Variants in PCLO observed in about 807,000 individuals in gnomAD.
The protein encoded by PCLO is piccolo presynaptic cytomatrix protein.
PCLO carries 82 observed loss-of-function variants against 427.5 expected under a neutral mutation model. The ratio of observed to expected loss-of-function variants is 0.19; its 90% CI spans 0.16 to 0.23. The LOEUF is 0.23. PCLO is among the 10% of genes least tolerant of loss of function. PCLO has a pLI of 1.00. For missense variants in PCLO, 6,239 were observed against 6,115.9 expected (o/e 1.02, Z -0.67); for synonymous variants, 2,357 against 2,155.4 (o/e 1.09, Z -2.59).
Position 82,824,355 on chromosome 7 carries a change from T to C in PCLO, c.14477A>G (p.Lys4826Arg). The C allele has an allele frequency of 6.2e-7, 1 of 1,613,158 alleles. No individual in the cohort carries two copies. Among genetic ancestry groups the C allele is most frequent in the Admixed American group, 1.7e-5 (1 of 59,966 alleles). ...LDNTPRWYPLKEQTESIDHGK... is the reference protein window; with the variant it reads ...LDNTPRWYPLREQTESIDHGK... ...ATGATCAATGCTTTCAGTCTGTTCT[T>C]TGAGAGGATACCACCTTGGAGTGTT... Residue 4826 changes from lysine (K) to arginine (R), a missense_variant, in exon 19 of 25, where the codon AAA becomes AGA. By Grantham distance (26) the Lys-to-Arg change is conservative. This residue lies in a region of PCLO where 877 missense variants were observed against 925.5 expected (regional missense o/e 0.95). Coordinates refer to ENST00000333891, the MANE Select transcript of PCLO (RefSeq NM_033026.6).
rs1188802613 is a variant in PCLO at position 82,977,379 on chromosome 7, T to TA, written c.3301-10893_3301-10892insT. 8.5e-5 allele frequency among the ~76,000 whole-genome samples: 10 copies of TA among 117,180 alleles called. No individual in the cohort carries two copies. The East Asian group carries it at 9.8e-4, about 11-fold the overall frequency. The allele number at this position is 117,180 out of a possible 152,430, so 76.9% of individuals were successfully genotyped here. A position where few individuals can be genotyped will look rare whatever the true frequency, so the allele number is the denominator to read the frequency against. On this transcript the variant is annotated intron_variant, in intron 3 of 24. Transcript: ENST00000333891. Reference sequence around the variant, plus strand: ...AACTGCCTGAGTGCAAAATTCATCTTTTTTATTTATTTATTTATTTATTTA... The same window carrying TA: ...AACTGCCTGAGTGCAAAATTCATCTTATTTTATTTATTTATTTATTTATTTA...
chr7:83,130,916 A>G (rs372765773), intron 3 of PCLO, among the ~76,000 whole-genome samples: 4 of 152,356 alleles, frequency 2.6e-5, no homozygotes, highest in East Asian at 1.9e-4. Flanking sequence ...TTCCTGAAAC[A>G]TGAGGAAACA....
chr7:82,776,241 G>T (rs1374149276), intron 22 of PCLO, among the ~76,000 whole-genome samples: 2 of 152,146 alleles, frequency 1.3e-5, no homozygotes, highest in Non-Finnish European at 2.9e-5. Context: ...GGGCATCCTT[G>T]TTGAGCTAAG....
intron 3 of PCLO, among the ~76,000 whole-genome samples, chr7:83,076,643 G>GTTTTT (rs200052422): frequency 1.5e-5 from 2 of 133,976 alleles, no homozygotes; most frequent in Non-Finnish European, 3.2e-5. Context: ...TTTTTTTGCA[G>GTTTTT]TTTTTTTTTA....
At chr7:82,872,302 C>T (rs180959544) in intron 10 of PCLO, among the ~76,000 whole-genome samples, 2 of 151,864 alleles carry the variant, frequency 1.3e-5, no homozygotes, top group East Asian at 1.9e-4. Flanking sequence ...GGCAAAAAGA[C>T]GAGTCAAATC....
chr7:83,100,586 T>C (rs147078255), intron 3 of PCLO, among the ~76,000 whole-genome samples: 3,333 of 152,230 alleles, frequency 0.022, 68 homozygotes, highest in Non-Finnish European at 0.029. Context: ...TTCTCACTTA[T>C]AAGTGGGAGC....
intron 7 of PCLO, among the ~76,000 whole-genome samples, chr7:82,909,952 A>T (rs1794282503): frequency 6.6e-6 from 1 of 152,114 alleles, no homozygotes; most frequent in Non-Finnish European, 1.5e-5. Context: ...ATTAAATTTC[A>T]TTCATTAGTA....
chr7:82,761,740 A>G (rs1449596920), intron 22 of PCLO, among the ~76,000 whole-genome samples: 2 of 150,510 alleles, frequency 1.3e-5, no homozygotes, highest in African/African-American at 2.5e-5. Context: ...GATATGAATA[A>G]AATACAGTCC....
intron 20 of PCLO, chr7:82,820,433 T>A: frequency 1.1e-6 from 1 of 944,514 alleles, no homozygotes. Flanking sequence ...ACTGACACAT[T>A]CATTTTAAGC....
At chr7:82,879,185 T>A (rs1483514212) in intron 10 of PCLO, among the ~76,000 whole-genome samples, 152 bp downstream of exon 10, 1 of 152,200 alleles carries the variant, frequency 6.6e-6, no homozygotes, top group Non-Finnish European at 1.5e-5. Flanking sequence ...GGACATGTTT[T>A]CTTTCATATT....
intron 2 of PCLO, among the ~76,000 whole-genome samples, chr7:83,152,461 G>A (rs1792163529): frequency 6.6e-6 from 1 of 152,082 alleles, no homozygotes. Context: ...ATTAATTGAG[G>A]TAACTTTCAA....
Position 82,866,655 on chromosome 7 carries a change from TACACACACAC to T in PCLO, c.13654+12672_13654+12681del, listed in dbSNP as rs71096605. ...CTTCACTACTCTCAATGAAATTTTA[TACACACACAC>T]ACACACACACACACACACACACACA... On this transcript the variant is annotated intron_variant, in intron 10 of 24. Coordinates refer to ENST00000333891, the MANE Select transcript of PCLO (RefSeq NM_033026.6). Among the ~76,000 whole-genome samples the T allele has an allele frequency of 5.7e-4, 82 of 143,184 alleles. 1 individual carries two copies. The highest frequency in any genetic ancestry group is 1.2e-3 in the African/African-American group (48 of 39,048). The allele number at this position is 143,184 out of a possible 152,430, so 93.9% of individuals were successfully genotyped here.
intron 3 of PCLO, among the ~76,000 whole-genome samples, chr7:83,053,512 G>A (rs1351366225): frequency 1.3e-5 from 2 of 151,824 alleles, no homozygotes; most frequent in African/African-American, 4.8e-5. Flanking sequence ...GGAGTATGGA[G>A]GAAAAGATGG....
At chr7:82,838,104 A>G in intron 15 of PCLO, 114 bp downstream of exon 15, 1 of 729,830 alleles carries the variant, frequency 1.4e-6, no homozygotes, top group Non-Finnish European at 2.2e-6. Flanking sequence ...CATGTGGAGG[A>G]AAGTAAGGAA....
In PCLO at chr7:82,914,615, G is replaced by T. The variant is rs771287559; in HGVS notation, c.13300+71C>A. 10 of 1,443,624 alleles carry T rather than the reference G, an allele frequency of 6.9e-6. No individual in the cohort carries two copies. The Admixed American group carries it at 1.9e-4, about 27-fold the overall frequency. 89.4% of individuals were successfully genotyped at this position (1,443,624 alleles called of 1,614,324 possible). A position where few individuals can be genotyped will look rare whatever the true frequency, so the allele number is the denominator to read the frequency against. The stretch of plus-strand genomic sequence containing the variant: ...AAAGTAGGATACATCTCTGGAGAAG[G>T]GAAATTAAACATGCAGAAAAATAAG... On this transcript the variant is annotated intron_variant, in intron 7 of 24. Coordinates refer to ENST00000333891, the MANE Select transcript of PCLO (RefSeq NM_033026.6).
chr7:82,929,672 A>G (rs1253204225), intron 6 of PCLO, among the ~76,000 whole-genome samples: 1 of 152,150 alleles, frequency 6.6e-6, no homozygotes, highest in Non-Finnish European at 1.5e-5. Context: ...TGATACACTC[A>G]TATATTTCTC....
chr7:83,086,117 C>CT (rs71074614), intron 3 of PCLO, among the ~76,000 whole-genome samples: 79 of 148,720 alleles, frequency 5.3e-4, no homozygotes, highest in South Asian at 1.1e-3. Flanking sequence ...CTTTTTTTTT[C>CT]TTTTTTTTTT....
intron 3 of PCLO, among the ~76,000 whole-genome samples, chr7:83,119,929 AC>A (rs1210058498): frequency 3.3e-5 from 5 of 151,838 alleles, no homozygotes; most frequent in East Asian, 3.9e-4. Flanking sequence ...CAACAGCAGA[AC>A]TGACCAAGCA....
At chr7:83,038,051 C>T (rs866981915) in intron 3 of PCLO, among the ~76,000 whole-genome samples, 20 of 14,080 alleles carry the variant, frequency 1.4e-3, no homozygotes, top group African/African-American at 6.6e-3. Context: ...ATATATATAT[C>T]TTTATATATA....
Sources: gnomAD v4.1 joint callset for allele counts (sites outside exome capture counted in the v4.1 genomes callset) on GRCh38, gnomAD v4.1.1 for gene constraint, gnomAD v4.1.1 regional missense constraint, MANE v1.5 for transcripts, NCBI Gene and HGNC (gene_info 2026-07-23, HGNC 2026-07-21) for gene names.